NME7: variants seen among roughly 807,000 people sequenced by gnomAD.
NME7 encodes NME/NM23 family member 7.
Under a neutral mutation model 49.1 loss-of-function variants are expected in NME7, and 41 were observed. That is an observed-to-expected ratio of 0.83 (90% CI 0.65 to 1.08). The LOEUF is 1.08. NME7 is among the 50% of genes least tolerant of loss of function. The pLI is 0.00. For synonymous variants in NME7, 139 were observed against 150.6 expected (o/e 0.92, Z 0.56); for missense variants, 423 against 463.4 (o/e 0.91, Z 0.80).
At chr1:169,293,882 C>T (rs1320555834) in intron 6 of NME7, among the ~76,000 whole-genome samples, 1 of 151,972 alleles carries the variant, frequency 6.6e-6, no homozygotes, top group African/African-American at 2.4e-5. Flanking sequence ...TAATTTTCTC[C>T]ATACAGATCT....
chr1:169,165,416 G>A (rs1312170175), intron 11 of NME7, among the ~76,000 whole-genome samples: 1 of 151,838 alleles, frequency 6.6e-6, no homozygotes, highest in East Asian at 1.9e-4. Flanking sequence ...ATCACATTAG[G>A]GAAAGATTAA....
At chr1:169,309,275 C>T (rs1651293655) in intron 4 of NME7, among the ~76,000 whole-genome samples, 1 of 152,060 alleles carries the variant, frequency 6.6e-6, no homozygotes, top group Admixed American at 6.6e-5. Context: ...CTACCCTGTC[C>T]TAACTTTGCT....
intron 11 of NME7, among the ~76,000 whole-genome samples, chr1:169,167,723 T>G (rs986013250): frequency 6.6e-6 from 1 of 152,222 alleles, no homozygotes. Flanking sequence ...ACTTAACCTC[T>G]CTGAGTCTCA....
intron 7 of NME7, among the ~76,000 whole-genome samples, chr1:169,278,684 C>T (rs551369235): frequency 4.5e-4 from 69 of 152,328 alleles, no homozygotes; most frequent in Non-Finnish European, 6.9e-4. Context: ...TCTCTCAACT[C>T]GTCAAAGTCA....
intron 11 of NME7, among the ~76,000 whole-genome samples, chr1:169,159,735 G>C (rs1247730763): frequency 6.6e-6 from 1 of 152,120 alleles, no homozygotes; most frequent in Non-Finnish European, 1.5e-5. Flanking sequence ...AGGAGGGTAG[G>C]AGTAGTTCTA....
intron 7 of NME7, among the ~76,000 whole-genome samples, chr1:169,279,644 T>G (rs905192104): frequency 6.6e-6 from 1 of 152,206 alleles, no homozygotes; most frequent in Non-Finnish European, 1.5e-5. Flanking sequence ...ACTTCCCGAG[T>G]GAGGCAATGC....
chr1:169,349,244 C>T (rs1165958062), intron 1 of NME7, among the ~76,000 whole-genome samples: 1 of 151,992 alleles, frequency 6.6e-6, no homozygotes, highest in Non-Finnish European at 1.5e-5. Context: ...TAATATATCC[C>T]CTCCAGTCAT....
At chr1:169,233,935 TTTC>T (rs1647748349) in intron 9 of NME7, among the ~76,000 whole-genome samples, 1 of 150,770 alleles carries the variant, frequency 6.6e-6, no homozygotes, top group Non-Finnish European at 1.5e-5. Flanking sequence ...CCTTTGTTTC[TTTC>T]TTTCTTCTTT....
At chr1:169,211,319 T>C (rs1454035744) in intron 10 of NME7, among the ~76,000 whole-genome samples, 1 of 152,172 alleles carries the variant, frequency 6.6e-6, no homozygotes, top group Admixed American at 6.5e-5. Context: ...ATATTTACAG[T>C]ATGTCATACC....
At position 169,241,987 on chromosome 1, in the gene NME7, C is replaced by T. The variant is rs998765532; in HGVS notation, c.755-4300G>A. 2.7e-4 allele frequency among the ~76,000 whole-genome samples: 41 copies of T among 151,982 alleles called. 1 individual carries two copies. Among genetic ancestry groups the T allele is most frequent in the African/African-American group, 9.4e-4 (39 of 41,512 alleles). ...TTACTTAATATGAGAAAGGGTCTTA[C>T]TATGTTGACTAGCCTGGTCTTGAAC... On this transcript the variant is annotated intron_variant, in intron 7 of 11. Transcript: ENST00000367811.
At chr1:169,215,370 T>C (rs1371768673) in intron 10 of NME7, among the ~76,000 whole-genome samples, 1 of 152,118 alleles carries the variant, frequency 6.6e-6, no homozygotes, top group African/African-American at 2.4e-5. Context: ...TAAAAAGACA[T>C]TATTCAGAAA....
intron 5 of NME7, among the ~76,000 whole-genome samples, chr1:169,299,966 T>A (rs1204373935): frequency 1.3e-5 from 2 of 151,952 alleles, no homozygotes; most frequent in African/African-American, 4.8e-5. Flanking sequence ...ACAAAAAAGA[T>A]CCCCCTTCAA....
At chr1:169,249,046 T>C (rs752079265) in intron 7 of NME7, among the ~76,000 whole-genome samples, 2 of 152,154 alleles carry the variant, frequency 1.3e-5, no homozygotes, top group Admixed American at 6.6e-5. Flanking sequence ...TTGATAGGAA[T>C]TGCACTGAAT....
chr1:169,318,440 G>A (rs1044273386), intron 3 of NME7, among the ~76,000 whole-genome samples: 6 of 152,062 alleles, frequency 3.9e-5, no homozygotes, highest in Non-Finnish European at 7.4e-5. Flanking sequence ...AAGGAGACAA[G>A]TAAATTGGTA....
chr1:169,254,137 G>A (rs1648779852), intron 7 of NME7, among the ~76,000 whole-genome samples: 1 of 150,012 alleles, frequency 6.7e-6, no homozygotes, highest in African/African-American at 2.4e-5. Context: ...CAGAAGGAAT[G>A]GTACCAGTTC....
At position 169,287,360 on chromosome 1, in the gene NME7, T is replaced by G; in HGVS notation, c.697A>C (p.Thr233Pro). ...CAGGTACAATTAGTAAATTTAGCAG[T>G]GTTTGCCGGCCCACAACCTCCACTT... is the stretch of plus-strand genomic sequence containing the variant. ...PSSGGCGPAN[T>P]AKFTNCTCCI... Residue 233 changes from threonine to proline, a missense_variant, in exon 7 of 12, where the codon ACT (threonine) becomes CCT (proline). Transcript: ENST00000367811. 6.2e-7 allele frequency: 1 copy of G among 1,609,250 alleles called. No homozygotes were observed. The highest frequency in any genetic ancestry group is 1.7e-4 in the Middle Eastern group (1 of 6,052).
At chr1:169,308,889 T>C (rs1651281557) in intron 4 of NME7, among the ~76,000 whole-genome samples, 1 of 152,054 alleles carries the variant, frequency 6.6e-6, no homozygotes, top group South Asian at 2.1e-4. Flanking sequence ...AAAAAATAAA[T>C]AGGTATATTT....
At chr1:169,214,419 A>G (rs948959534) in intron 10 of NME7, among the ~76,000 whole-genome samples, 14 of 152,228 alleles carry the variant, frequency 9.2e-5, no homozygotes, top group African/African-American at 3.1e-4. Context: ...TATTGATTTC[A>G]AAACCATGAA....
rs1156939846 is a variant in NME7 at position 169,298,148 on chromosome 1, AAAT to A, written c.648+405_648+407del. Among the ~76,000 whole-genome samples the A allele has an allele frequency of 2.0e-5, 3 of 152,186 alleles. No homozygotes were observed. The East Asian group carries it at 5.8e-4, about 29-fold the overall frequency. On this transcript the variant is annotated intron_variant, in intron 6 of 11. Transcript: ENST00000367811. ...TCATAAACACTAGCTATATATAGGAAAATAATAGGATGTTAAGCTTGAAAGCAC... is the reference window on the plus strand; with the variant it reads ...TCATAAACACTAGCTATATATAGGAAAATAGGATGTTAAGCTTGAAAGCAC...
Sources: allele counts gnomAD v4.1 joint callset (sites outside exome capture counted in the v4.1 genomes callset), GRCh38; gene constraint gnomAD v4.1.1; transcripts MANE v1.5; gene names NCBI Gene and HGNC (gene_info 2026-07-23, HGNC 2026-07-21).